The following RAB11FIP3 variants were observed in gnomAD, a reference collection of about 807,000 sequenced individuals.
RAB11FIP3 encodes the protein RAB11 family interacting protein 3, also known as rab11 family-interacting protein 3.
A neutral mutation model predicts 77.8 loss-of-function variants in RAB11FIP3; 17 were observed. The observed-to-expected ratio is 0.22, with a 90% CI of 0.15 to 0.33. The LOEUF (loss-of-function observed/expected upper bound fraction) is 0.33, where lower values mean the gene tolerates loss of function less well. Ranked by LOEUF, RAB11FIP3 falls within the 10% of genes least tolerant of loss-of-function variation. RAB11FIP3 has a pLI of 1.00. For missense variants in RAB11FIP3, 1,005 were observed against 1,011.2 expected, an observed-to-expected ratio of 0.99 and a Z score of 0.08; for synonymous variants, 437 against 448.2, an observed-to-expected ratio of 0.98 and a Z score of 0.31.
At chr16:465,606 A>G (rs1203510420) in intron 2 of RAB11FIP3, among the ~76,000 whole-genome samples, 1 of 152,104 alleles carries the variant, frequency 6.6e-6, no homozygotes, top group Non-Finnish European at 1.5e-5. Context: ...ACGGCCTCTC[A>G]GCACTGGCTC....
chr16:497,514 T>C (rs1314526684), intron 6 of RAB11FIP3: 2 of 1,165,336 alleles, frequency 1.7e-6, no homozygotes, highest in East Asian at 6.1e-5. Context: ...GCCCGGCATC[T>C]GGCAGGGCTG....
rs114727719 is a variant in RAB11FIP3, at chr16:472,673, G to A, written c.903+1284G>A. On this transcript the variant is annotated intron_variant, in intron 3 of 13. Coordinates refer to ENST00000262305, the MANE Select transcript of RAB11FIP3 (RefSeq NM_014700.4). This position sits in a 1 kb window ranked among gnomAD's most constrained non-coding sequence, Gnocchi z 4.1. ...TGTGCACTCTTTCTCACGTGTATCC[G>A]TCTTTTTGTTCCCCTCTCATGTTTG... 6.1e-3 allele frequency among the ~76,000 whole-genome samples: 928 copies of A among 152,282 alleles called. 10 individuals are homozygous for A. Among genetic ancestry groups the A allele is most frequent in the African/African-American group, 0.021 (882 of 41,550 alleles).
chr16:460,930 T>G (rs1243890858), intron 1 of RAB11FIP3, among the ~76,000 whole-genome samples: 1 of 152,136 alleles, frequency 6.6e-6, no homozygotes, highest in Non-Finnish European at 1.5e-5. Flanking sequence ...CTCCTGCACG[T>G]GAGGAGTCAG....
intron 1 of RAB11FIP3, chr16:439,385 A>C (rs1221008369): frequency 6.6e-6 from 1 of 152,254 alleles, no homozygotes; most frequent in Non-Finnish European, 1.5e-5. Context: ...ACACCACTGC[A>C]CTAGGACCAG....
At chr16:458,624 G>GGGGGGCCTTCCT in intron 1 of RAB11FIP3, among the ~76,000 whole-genome samples, 1 of 151,968 alleles carries the variant, frequency 6.6e-6, no homozygotes, top group Non-Finnish European at 1.5e-5. Flanking sequence ...ATGCTCATCT[G>GGGGGGCCTTCCT]CCGTAACCTG....
chr16:509,552 CT>C (rs2032032718), intron 8 of RAB11FIP3, among the ~76,000 whole-genome samples: 1 of 152,250 alleles, frequency 6.6e-6, no homozygotes, highest in African/African-American at 2.4e-5. Context: ...GTGCCCTTCT[CT>C]TTGGGATGGT....
chr16:495,969 C>CG (rs1318701844), intron 5 of RAB11FIP3, among the ~76,000 whole-genome samples: 1 of 152,048 alleles, frequency 6.6e-6, no homozygotes, highest in Non-Finnish European at 1.5e-5. Context: ...AGGCTGGTCT[C>CG]GAACTCCCGA....
chr16:459,124 CTTTTTTT>C (rs577962652), intron 1 of RAB11FIP3, among the ~76,000 whole-genome samples: 96 of 135,582 alleles, frequency 7.1e-4, no homozygotes, highest in African/African-American at 2.6e-3. Context: ...AGTGTTCAAA[CTTTTTTT>C]TTTTTTTTTT....
At chr16:492,360 T>TCCCCGGGAGACCCGAGGCCGCCCAGAGC in intron 5 of RAB11FIP3, among the ~76,000 whole-genome samples, 7 of 25,628 alleles carry the variant, frequency 2.7e-4, no homozygotes, top group Non-Finnish European at 4.5e-4. Flanking sequence ...TTGAAGAGGG[T>TCCCCGGGAGACCCGAGGCCGCCCAGAGC]CTTCCCGGGA....
At position 510,786 on chromosome 16, in the gene RAB11FIP3, G is replaced by A. The variant is rs1226815320; in HGVS notation, c.1626G>A (p.Glu542=). 5 of 1,613,132 alleles carry A rather than the reference G, an allele frequency of 3.1e-6. No individual in the cohort carries two copies. The highest frequency in any genetic ancestry group is 4.2e-6 in the Non-Finnish European group (5 of 1,179,770). Residue 542 remains glutamate, a synonymous_variant, in exon 9 of 14, where the codon GAG becomes GAA. Transcript: ENST00000262305. ...KMEREKSIEI[E]NLQTRLQQLD... is the part of the protein sequence containing the mutation. ...AGAGGGAGAAGAGCATTGAGATCGA[G>A]AACCTGCAGACCAGGTAGGCGGTTC... is the stretch of plus-strand genomic sequence containing the variant.
chr16:430,961 A>G (rs537558678), intron 1 of RAB11FIP3, among the ~76,000 whole-genome samples: 20 of 152,338 alleles, frequency 1.3e-4, no homozygotes, highest in African/African-American at 4.8e-4. Context: ...AAGTTCTGGG[A>G]TTGCAGGCAT....
In RAB11FIP3 at chr16:522,338, C is replaced by G. The variant is rs1414773529; in HGVS notation, c.*1499C>G. 2 of 151,394 alleles carry G rather than the reference C, an allele frequency of 1.3e-5. No individual in the cohort carries two copies. Among genetic ancestry groups the G allele is most frequent in the Non-Finnish European group, 2.9e-5 (2 of 67,882 alleles). The allele number at this position is 151,394 out of a possible 1,614,324, so 9.4% of individuals were successfully genotyped here. On this transcript the variant is annotated 3_prime_UTR_variant, in exon 14 of 14. Coordinates refer to ENST00000262305, the MANE Select transcript of RAB11FIP3 (RefSeq NM_014700.4). ...CAGGCCCAGCCCTGGTGACATGGCA[C>G]CACTCAGCAGTGCTGTCACTGTAAG...
Position 426,217 on chromosome 16 carries a change from A to G in RAB11FIP3, c.211A>G (p.Ser71Gly). ...CGCTGCAGATGGCGGGGCGCGTTGG[A>G]GCGCCGGGCCGGCCCCGGGGCTGGA... is the stretch of plus-strand genomic sequence containing the variant. ...GAAADGGARWSAGPAPGLEGG... is the reference protein window; with the variant it reads ...GAAADGGARWGAGPAPGLEGG... Residue 71 changes from serine to glycine, a missense_variant, in exon 1 of 14, where the codon AGC becomes GGC. Coordinates refer to ENST00000262305, the MANE Select transcript of RAB11FIP3 (RefSeq NM_014700.4). The surrounding 1 kb of genome is among the most constrained non-coding windows in gnomAD (Gnocchi z 5.0). The G allele has an allele frequency of 9.8e-7, 1 of 1,022,686 alleles. No individual in the cohort carries two copies. The allele number at this position is 1,022,686 out of a possible 1,614,324, so 63.4% of individuals were successfully genotyped here.
At chr16:513,818 C>T (rs1254502835) in intron 9 of RAB11FIP3, among the ~76,000 whole-genome samples, 5 of 152,242 alleles carry the variant, frequency 3.3e-5, no homozygotes, top group Non-Finnish European at 7.3e-5. Flanking sequence ...GCCTCCGTGC[C>T]TGCCATTGCA....
In RAB11FIP3 at chr16:426,029, C is replaced by T; in HGVS notation, c.23C>T (p.Ser8Leu). MASAPPA[S>L]PPGSEPPGPD... is the part of the protein sequence containing the mutation. ...AGCATGGCGTCGGCCCCGCCGGCCT[C>T]GCCCCCGGGCTCGGAGCCGCCGGGG... Residue 8 changes from serine to leucine, a missense_variant, in exon 1 of 14, where the codon TCG becomes TTG. By Grantham distance (145) the Ser-to-Leu change is moderately radical (BLOSUM62 -2). This residue lies in a region of RAB11FIP3 where 466 missense variants were observed against 408.3 expected (regional missense o/e 1.14). Coordinates refer to ENST00000262305, the MANE Select transcript of RAB11FIP3 (RefSeq NM_014700.4). This position sits in a 1 kb window ranked among gnomAD's most constrained non-coding sequence, Gnocchi z 5.0. 1 of 993,814 alleles carries T rather than the reference C, an allele frequency of 1.0e-6. No homozygotes were observed. 61.6% of individuals were successfully genotyped at this position (993,814 alleles called of 1,614,324 possible).
At chr16:447,928 C>T (rs2055343688) in intron 1 of RAB11FIP3, among the ~76,000 whole-genome samples, 1 of 148,464 alleles carries the variant, frequency 6.7e-6, no homozygotes, top group African/African-American at 2.5e-5. Context: ...GGGCCAGGCA[C>T]AATGAATTGT....
chr16:459,431 C>CTTT lies in RAB11FIP3; in HGVS notation c.715-1954_715-1952dup, dbSNP rs56705738. On this transcript the variant is annotated intron_variant, in intron 1 of 13. Transcript: ENST00000262305. ...GTGAACCACCACACCCAGCTTCAAACTTTTTTTTTTTTTTTTTTTTTAGCA... is the reference window on the plus strand; with the variant it reads ...GTGAACCACCACACCCAGCTTCAAACTTTTTTTTTTTTTTTTTTTTTTTTAGCA... 4.9e-3 allele frequency among the ~76,000 whole-genome samples: 570 copies of CTTT among 117,402 alleles called. 7 individuals carry two copies. The highest frequency in any genetic ancestry group is 0.018 in the African/African-American group (538 of 30,714). The allele number at this position is 117,402 out of a possible 152,430, so 77.0% of individuals were successfully genotyped here.
chr16:459,264 T>TTACAG (rs998301631), intron 1 of RAB11FIP3, among the ~76,000 whole-genome samples: 5 of 150,430 alleles, frequency 3.3e-5, no homozygotes, highest in South Asian at 2.1e-4. Flanking sequence ...GTAGCTGGGG[T>TTACAG]TACAGGTTCC....
At position 435,260 on chromosome 16, in the gene RAB11FIP3, A is replaced by G. The variant is rs114404016; in HGVS notation, c.714+8540A>G. On this transcript the variant is annotated intron_variant, in intron 1 of 13. Transcript: ENST00000262305. ...CTGGTTCCAGTTTAGGATCTAACAT[A>G]CAGGAAGAGTTTAGTTCTGTGTAGA... 5.8e-3 allele frequency among the ~76,000 whole-genome samples: 882 copies of G among 152,156 alleles called. 10 individuals are homozygous for G. The highest frequency in any genetic ancestry group is 0.02 in the African/African-American group (835 of 41,454).
Sources: allele counts gnomAD v4.1 joint callset (sites outside exome capture counted in the v4.1 genomes callset), GRCh38; gene constraint gnomAD v4.1.1; regional missense constraint gnomAD v4.1.1; non-coding constraint Gnocchi (gnomAD v3.1); transcripts MANE v1.5; gene names NCBI Gene and HGNC (gene_info 2026-07-23, HGNC 2026-07-21).